Variants in FSTL5 observed in about 807,000 individuals in gnomAD.
FSTL5 encodes follistatin-related protein 5.
FSTL5 carries 62 observed loss-of-function variants against 89.1 expected under a neutral mutation model. The observed-to-expected ratio is 0.70, with a 90% CI of 0.57 to 0.86. The LOEUF is 0.86. Among genes scored for constraint, FSTL5 ranks in the 40% least tolerant of loss-of-function variants. The pLI is 0.00. For missense variants in FSTL5, 1,057 were observed against 1,001.6 expected, an observed-to-expected ratio of 1.06 and a Z score of -0.75; for synonymous variants, 383 against 346.2, an observed-to-expected ratio of 1.11 and a Z score of -1.18.
chr4:161,989,314 GC>G (rs1736047976), intron 3 of FSTL5, among the ~76,000 whole-genome samples: 1 of 152,102 alleles, frequency 6.6e-6, no homozygotes. Context: ...GGAAAGGTCA[GC>G]CCATTGTATT....
chr4:161,904,589 G>A (rs1733467241), intron 4 of FSTL5, among the ~76,000 whole-genome samples: 3 of 151,286 alleles, frequency 2.0e-5, no homozygotes, highest in Admixed American at 2.0e-4. Context: ...ATATTCAGCA[G>A]GAAGTCAGAT....
chr4:162,130,811 A>G (rs1329599165), intron 1 of FSTL5, among the ~76,000 whole-genome samples: 1 of 152,188 alleles, frequency 6.6e-6, no homozygotes, highest in Non-Finnish European at 1.5e-5. Flanking sequence ...ACTGTTATTC[A>G]TGATGACCAA....
At chr4:161,624,467 C>T (rs926273099) in intron 7 of FSTL5, among the ~76,000 whole-genome samples, 7 of 151,828 alleles carry the variant, frequency 4.6e-5, no homozygotes, top group African/African-American at 1.4e-4. Context: ...TACAATTTGA[C>T]AATTTTGATT....
At chr4:161,974,674 T>C (rs1225640709) in intron 3 of FSTL5, among the ~76,000 whole-genome samples, 1 of 121,534 alleles carries the variant, frequency 8.2e-6, no homozygotes, top group Non-Finnish European at 1.7e-5. Flanking sequence ...GGCATTACCA[T>C]TCAGGACATA....
intron 12 of FSTL5, among the ~76,000 whole-genome samples, chr4:161,489,168 C>T (rs914581674): frequency 1.1e-4 from 16 of 152,088 alleles, no homozygotes; most frequent in Admixed American, 1.0e-3. Flanking sequence ...AACATAAAAA[C>T]CAAATTCTAG....
chr4:162,142,161 C>A (rs909675696), intron 1 of FSTL5, among the ~76,000 whole-genome samples: 7 of 151,926 alleles, frequency 4.6e-5, no homozygotes, highest in African/African-American at 1.7e-4. Context: ...TGTTAAGAAA[C>A]CTGGCTTTGG....
intron 4 of FSTL5, among the ~76,000 whole-genome samples, chr4:161,805,960 T>A (rs1174006131): frequency 6.6e-6 from 1 of 152,140 alleles, no homozygotes; most frequent in Non-Finnish European, 1.5e-5. Flanking sequence ...ATTGTTACAA[T>A]TCTATCTTAT....
At chr4:162,124,515 A>T (rs1293094906) in intron 1 of FSTL5, among the ~76,000 whole-genome samples, 1 of 152,172 alleles carries the variant, frequency 6.6e-6, no homozygotes, top group Non-Finnish European at 1.5e-5. Flanking sequence ...TTCTTAAAGG[A>T]CTAGAACCGG....
intron 2 of FSTL5, among the ~76,000 whole-genome samples, chr4:162,051,039 AGTAAT>A (rs1172359647): frequency 2.0e-5 from 3 of 151,516 alleles, no homozygotes; most frequent in African/African-American, 4.8e-5. Flanking sequence ...AATATGGTCT[AGTAAT>A]GTATTGTCTT....
chr4:162,037,414 G>T (rs1737783077), intron 2 of FSTL5, among the ~76,000 whole-genome samples: 1 of 151,852 alleles, frequency 6.6e-6, no homozygotes, highest in Non-Finnish European at 1.5e-5. Context: ...AGATGGAGAA[G>T]ATTTTAAGTG....
intron 15 of FSTL5, among the ~76,000 whole-genome samples, chr4:161,433,842 A>G (rs527534318): frequency 2.6e-5 from 4 of 152,166 alleles, no homozygotes; most frequent in African/African-American, 9.6e-5. Context: ...CTAGGAATTA[A>G]TGAAAGAAAT....
intron 4 of FSTL5, among the ~76,000 whole-genome samples, chr4:161,884,616 T>C (rs988320143): frequency 1.6e-4 from 24 of 152,336 alleles, no homozygotes; most frequent in African/African-American, 5.8e-4. Context: ...TTTGGGTTTA[T>C]ATTTCCTATT....
At chr4:161,497,702 A>G (rs926876079) in intron 12 of FSTL5, among the ~76,000 whole-genome samples, 2 of 151,996 alleles carry the variant, frequency 1.3e-5, no homozygotes, top group Non-Finnish European at 2.9e-5. Context: ...TTCATATTCT[A>G]TAATATTTAT....
chr4:161,924,537 T>C (rs1034889377), intron 3 of FSTL5, among the ~76,000 whole-genome samples: 2 of 151,714 alleles, frequency 1.3e-5, no homozygotes, highest in African/African-American at 4.8e-5. Context: ...GACACTTGAC[T>C]CTTCAAGTGG....
intron 3 of FSTL5, among the ~76,000 whole-genome samples, chr4:161,992,163 G>A (rs1191853958): frequency 6.6e-6 from 1 of 152,210 alleles, no homozygotes; most frequent in Non-Finnish European, 1.5e-5. Context: ...TTTCACGCAA[G>A]ATAAAGTAGG....
chr4:161,494,507 G>A lies in FSTL5; in HGVS notation c.1458+5509C>T, dbSNP rs567372102. ...CAACAACAGCAGAGAAAGAAATGTG[G>A]ACCATTGAGCTTCCCAATTTCTAAT... On this transcript the variant is annotated intron_variant, in intron 12 of 15. Coordinates refer to ENST00000306100, the MANE Select transcript of FSTL5 (RefSeq NM_020116.5). Among the ~76,000 whole-genome samples the A allele has an allele frequency of 1.1e-4, 16 of 152,268 alleles. 1 individual carries two copies. In the South Asian group the frequency reaches 3.3e-3, roughly 32 times the overall value.
At chr4:161,519,545 CA>C (rs1340831419) in intron 10 of FSTL5, among the ~76,000 whole-genome samples, 1 of 152,014 alleles carries the variant, frequency 6.6e-6, no homozygotes, top group African/African-American at 2.4e-5. Context: ...CAAAACAAAA[CA>C]AAAAATAACG....
intron 1 of FSTL5, among the ~76,000 whole-genome samples, chr4:162,119,097 C>T (rs1251571587): frequency 1.3e-5 from 2 of 151,936 alleles, no homozygotes; most frequent in African/African-American, 4.8e-5. Flanking sequence ...AGGTGTGCAC[C>T]TATAGTCGTA....
chr4:161,900,655 A>AAAAG (rs1200601794), intron 4 of FSTL5, among the ~76,000 whole-genome samples: 14 of 111,030 alleles, frequency 1.3e-4, no homozygotes, highest in African/African-American at 3.8e-4. Context: ...AAAAAAAAAA[A>AAAAG]AAAGAAAGAA....
Sources: allele counts gnomAD v4.1 joint callset (sites outside exome capture counted in the v4.1 genomes callset), GRCh38; gene constraint gnomAD v4.1.1; transcripts MANE v1.5; gene names NCBI Gene and HGNC (gene_info 2026-07-23, HGNC 2026-07-21).